The following MSH4 variants were observed in gnomAD, a reference collection of about 807,000 sequenced individuals.
MSH4 encodes the protein mutS homolog 4.
In MSH4, 106 loss-of-function variants were observed where a neutral mutation model predicts 113.7. That is an observed-to-expected ratio of 0.93 (90% CI 0.80 to 1.10). The LOEUF is 1.10. MSH4 is among the 50% of genes least tolerant of loss of function. The probability of loss-of-function intolerance (pLI) is 0.00; values close to 1 mark genes in which losing one functional copy is unlikely to be tolerated. For missense variants in MSH4, 1,061 were observed against 1,093.7 expected (o/e 0.97, Z 0.42); for synonymous variants, 368 against 380.2 (o/e 0.97, Z 0.37).
In MSH4 at chr1:75,840,575, G is replaced by A. The variant is rs1025067998; in HGVS notation, c.1163-7634G>A. ...GGAGATATACCTAATGCTAAATGAT[G>A]AGTTAATGGGTGCAGCACACCAGCA... On this transcript the variant is annotated intron_variant, in intron 7 of 19. Coordinates refer to ENST00000263187, the MANE Select transcript of MSH4 (RefSeq NM_002440.4). Among the ~76,000 whole-genome samples, 25 of 146,790 alleles carry A rather than the reference G, an allele frequency of 1.7e-4. No individual in the cohort carries two copies. In the East Asian group the frequency reaches 3.7e-3, roughly 22 times the overall value.
intron 19 of MSH4, among the ~76,000 whole-genome samples, chr1:75,912,032 A>G (rs1449382995): frequency 6.6e-6 from 1 of 152,108 alleles, no homozygotes; most frequent in Non-Finnish European, 1.5e-5. Flanking sequence ...CCTGTTTTAC[A>G]TATTATTTCT....
intron 7 of MSH4, among the ~76,000 whole-genome samples, chr1:75,838,955 G>A (rs979597140): frequency 6.6e-6 from 1 of 152,008 alleles, no homozygotes; most frequent in Non-Finnish European, 1.5e-5. Context: ...TTTTGTAAAT[G>A]CATGTTTTGT....
At chr1:75,822,683 ATTC>A (rs769773802) in intron 7 of MSH4, 102 bp downstream of exon 7, 5 of 554,446 alleles carry the variant, frequency 9.0e-6, no homozygotes, top group African/African-American at 2.0e-5. Context: ...GAAGGTGTTA[ATTC>A]TTGTATTCTT....
chr1:75,821,493 G>T (rs987764018), intron 6 of MSH4, among the ~76,000 whole-genome samples: 3 of 152,000 alleles, frequency 2.0e-5, no homozygotes, highest in Non-Finnish European at 4.4e-5. Context: ...ACAATTAAAA[G>T]AACTAGAGAA....
At chr1:75,860,333 A>C (rs1004529135) in intron 8 of MSH4, among the ~76,000 whole-genome samples, 1 of 152,008 alleles carries the variant, frequency 6.6e-6, no homozygotes, top group Non-Finnish European at 1.5e-5. Context: ...TTCTCCCATT[A>C]ATTTATGCAG....
At chr1:75,888,465 T>C (rs1194411548) in intron 15 of MSH4, among the ~76,000 whole-genome samples, 1 of 152,046 alleles carries the variant, frequency 6.6e-6, no homozygotes, top group Non-Finnish European at 1.5e-5. Context: ...AATTCACCTT[T>C]TTTTTCTTTT....
chr1:75,847,123 A>G (rs925293867), intron 7 of MSH4, among the ~76,000 whole-genome samples: 1 of 151,886 alleles, frequency 6.6e-6, no homozygotes, highest in Non-Finnish European at 1.5e-5. Context: ...TCAAGAACCC[A>G]CTCTCATGAT....
intron 15 of MSH4, among the ~76,000 whole-genome samples, chr1:75,886,680 A>G (rs1204532678): frequency 4.5e-5 from 6 of 133,144 alleles, no homozygotes; most frequent in African/African-American, 1.7e-4. Flanking sequence ...TACATTATAT[A>G]CATTATAATG....
At chr1:75,829,164 C>T (rs904135605) in intron 7 of MSH4, among the ~76,000 whole-genome samples, 7 of 152,188 alleles carry the variant, frequency 4.6e-5, no homozygotes, top group South Asian at 4.1e-4. Flanking sequence ...GAGGGTCCCA[C>T]GTCCATGGAG....
At chr1:75,912,405 C>A (rs971455598) in intron 19 of MSH4, among the ~76,000 whole-genome samples, 16 of 152,042 alleles carry the variant, frequency 1.1e-4, no homozygotes, top group African/African-American at 3.9e-4. Context: ...GTTGAGAAAT[C>A]TGACCTATTT....
intron 8 of MSH4, among the ~76,000 whole-genome samples, chr1:75,849,801 A>T (rs1395706444): frequency 6.6e-6 from 1 of 152,178 alleles, no homozygotes; most frequent in East Asian, 1.9e-4. Flanking sequence ...TTTACAAATG[A>T]AGCCATTAAA....
rs369794328 is a variant in MSH4, at chr1:75,841,823, A to G, written c.1163-6386A>G. 3.9e-4 allele frequency among the ~76,000 whole-genome samples: 60 copies of G among 152,334 alleles called. 1 individual carries two copies. Among genetic ancestry groups the G allele is most frequent in the African/African-American group, 1.4e-3 (59 of 41,582 alleles). On this transcript the variant is annotated intron_variant, in intron 7 of 19. Coordinates refer to ENST00000263187, the MANE Select transcript of MSH4 (RefSeq NM_002440.4). ...TCTGACTAATAGAATCACATGTAAA[A>G]TGTCATAATAGTATTGTGCCATATT...
At chr1:75,806,385 C>A (rs78895024) in intron 2 of MSH4, among the ~76,000 whole-genome samples, 8 of 151,440 alleles carry the variant, frequency 5.3e-5, no homozygotes, top group Non-Finnish European at 1.0e-4. Flanking sequence ...GTAGCTGGGA[C>A]CACAGGCACC....
chr1:75,876,456 T>C (rs1313193944), intron 9 of MSH4, among the ~76,000 whole-genome samples: 1 of 152,158 alleles, frequency 6.6e-6, no homozygotes. Flanking sequence ...TCTTCTTTTC[T>C]GTTTATTTAG....
intron 15 of MSH4, among the ~76,000 whole-genome samples, chr1:75,885,023 A>ATGTGTGTGTGTGTG (rs764938661): frequency 4.1e-5 from 5 of 122,212 alleles, no homozygotes; most frequent in South Asian, 2.4e-4. Flanking sequence ...GTGTGTATAT[A>ATGTGTGTGTGTGTG]TATATATGTG....
At chr1:75,877,574 A>G (rs918990604) in intron 10 of MSH4, among the ~76,000 whole-genome samples, 2 of 152,182 alleles carry the variant, frequency 1.3e-5, no homozygotes, top group Non-Finnish European at 1.5e-5. Context: ...GCTTAATTAC[A>G]AATAAAATAT....
At chr1:75,841,206 T>C (rs1650953463) in intron 7 of MSH4, among the ~76,000 whole-genome samples, 1 of 144,586 alleles carries the variant, frequency 6.9e-6, no homozygotes, top group Non-Finnish European at 1.5e-5. Context: ...TTTTTTGTTC[T>C]CTCTCTCTTT....
intron 15 of MSH4, among the ~76,000 whole-genome samples, chr1:75,888,948 G>A (rs1207267833): frequency 7.1e-6 from 1 of 141,230 alleles, no homozygotes. Context: ...AGGCTGGAAT[G>A]CAGTGGCGCG....
At chr1:75,857,053 T>C (rs947673922) in intron 8 of MSH4, among the ~76,000 whole-genome samples, 5 of 152,246 alleles carry the variant, frequency 3.3e-5, no homozygotes, top group Non-Finnish European at 7.3e-5. Context: ...GATAAGCATT[T>C]TTTCATATGT....
Sources: gnomAD v4.1 joint callset for allele counts (sites outside exome capture counted in the v4.1 genomes callset) on GRCh38, gnomAD v4.1.1 for gene constraint, MANE v1.5 for transcripts, NCBI Gene and HGNC (gene_info 2026-07-23, HGNC 2026-07-21) for gene names.